The following ZNF382 variants were observed in gnomAD, a reference collection of about 807,000 sequenced individuals.
The protein encoded by ZNF382 is KRAB/zinc finger suppressor protein 1.
Under a neutral mutation model 38.8 loss-of-function variants are expected in ZNF382, and 20 were observed. The ratio of observed to expected loss-of-function variants is 0.51; its 90% confidence interval spans 0.36 to 0.75. The LOEUF is 0.75. Ranked by LOEUF, ZNF382 falls within the 30% of genes least tolerant of loss-of-function variation. ZNF382 has a pLI of 0.00. For missense variants in ZNF382, 546 were observed against 654.1 expected (o/e 0.83, Z 1.80); for synonymous variants, 202 against 223.1 (o/e 0.91, Z 0.84).
intron 4 of ZNF382, among the ~76,000 whole-genome samples, chr19:36,622,588 T>A (rs557119057): frequency 1.3e-5 from 2 of 152,182 alleles, no homozygotes; most frequent in Non-Finnish European, 1.5e-5. Flanking sequence ...AAAGTTTTTA[T>A]TGGGGCTCCA....
Position 36,632,445 on chromosome 19 carries a change from G to A in ZNF382, c.*4895G>A, listed in dbSNP as rs141061193. The A allele has an allele frequency of 0.016, 2,387 of 152,364 alleles. 27 individuals are homozygous for A. The highest frequency in any genetic ancestry group is 0.025 in the Non-Finnish European group (1,685 of 68,140). The allele number at this position is 152,364 out of a possible 1,614,324, so 9.4% of individuals were successfully genotyped here. On this transcript the variant is annotated 3_prime_UTR_variant, in exon 5 of 5. Transcript: ENST00000292928. Reference sequence around the variant, plus strand: ...CCTCAGGCAATCCTCCGCCCACCTCGGTTTCCCAAAGTGCTGGGATTATAG... The same window carrying A: ...CCTCAGGCAATCCTCCGCCCACCTCAGTTTCCCAAAGTGCTGGGATTATAG...
chr19:36,624,606 T>C (rs562755175), intron 4 of ZNF382, among the ~76,000 whole-genome samples: 1 of 152,318 alleles, frequency 6.6e-6, no homozygotes, highest in African/African-American at 2.4e-5. Flanking sequence ...CAGTAGGGAA[T>C]AGCAGAGTTA....
intron 1 of ZNF382, among the ~76,000 whole-genome samples, chr19:36,606,413 T>A (rs1323578176): frequency 6.6e-6 from 1 of 151,470 alleles, no homozygotes. Flanking sequence ...TGGAGTGTAG[T>A]GGCATGATCT....
chr19:36,608,727 G>A (rs1343190575), intron 2 of ZNF382: 2 of 152,178 alleles, frequency 1.3e-5, no homozygotes, highest in Non-Finnish European at 2.9e-5. Flanking sequence ...ATCACCACCT[G>A]TATGTTCCAC....
chr19:36,626,413 C>T lies in ZNF382; in HGVS notation c.516C>T (p.Leu172=), dbSNP rs1247197438. The part of the protein sequence containing the change: ...GDSTGWEKSL[L]NTKHEKIHPA... ...GTACTGGATGGGAGAAATCACTCCT[C>T]AATACCAAGCATGAGAAAATTCATC... is the stretch of plus-strand genomic sequence containing the variant. The change falls in exon 5 of 5, where the codon CTC becomes CTT. Residue 172 remains leucine (L), a synonymous_variant. Transcript: ENST00000292928. The T allele has an allele frequency of 5.6e-6, 9 of 1,604,128 alleles. 1 individual carries two copies. The highest frequency in any genetic ancestry group is 1.7e-4 in the Middle Eastern group (1 of 5,990).
rs745388941 is a variant in ZNF382 at position 36,626,525 on chromosome 19, C to G, written c.628C>G (p.Gln210Glu). The G allele has an allele frequency of 1.9e-6, 3 of 1,611,374 alleles. No homozygotes were observed. The East Asian group carries it at 6.7e-5, about 36-fold the overall frequency. Residue 210 changes from glutamine (Q) to glutamate (E), a missense_variant, in exon 5 of 5, where the codon CAA becomes GAA. Transcript: ENST00000292928. ...GCATCAGAAGGTTCAAGCTCCAGAG[C>G]AACCATTTGACCATAATGAATGTGA... ...IQHQKVQAPE[Q>E]PFDHNECEKS...
chr19:36,621,238 C>T (rs1342535839), intron 4 of ZNF382, among the ~76,000 whole-genome samples: 1 of 151,310 alleles, frequency 6.6e-6, no homozygotes, highest in Non-Finnish European at 1.5e-5. Context: ...TCTGATTTGC[C>T]ATTGACAGCT....
At chr19:36,605,693 T>C (rs2037015809) in intron 1 of ZNF382, 1 of 152,202 alleles carries the variant, frequency 6.6e-6, no homozygotes, top group Non-Finnish European at 1.5e-5. Context: ...GCGCGCTGAA[T>C]AGGGGTGGCC....
At chr19:36,607,149 A>G (rs997688068) in intron 1 of ZNF382, among the ~76,000 whole-genome samples, 3 of 152,144 alleles carry the variant, frequency 2.0e-5, no homozygotes, top group Non-Finnish European at 4.4e-5. Context: ...AAAGTTGTCA[A>G]CTGTCTTCAT....
intron 2 of ZNF382, chr19:36,608,789 A>T (rs1203187703): frequency 1.3e-5 from 2 of 152,294 alleles, no homozygotes; most frequent in African/African-American, 4.8e-5. Context: ...GGTCCAGCTT[A>T]CATTTTCTTC....
intron 4 of ZNF382, among the ~76,000 whole-genome samples, chr19:36,614,914 C>CCTTTCCGTTTCCCT (rs1555793084): frequency 7.6e-4 from 69 of 90,814 alleles, no homozygotes; most frequent in Non-Finnish European, 1.0e-3. Flanking sequence ...CTTTCCTTTC[C>CCTTTCCGTTTCCCT]TTCCCTTTCC....
intron 4 of ZNF382, among the ~76,000 whole-genome samples, chr19:36,615,955 A>G (rs1399960394): frequency 1.3e-5 from 2 of 152,292 alleles, no homozygotes; most frequent in South Asian, 2.1e-4. Flanking sequence ...TCAAAATTTT[A>G]CCCCAAGTCA....
Position 36,630,903 on chromosome 19 carries a change from G to C in ZNF382, c.*3353G>C, listed in dbSNP as rs919303965. The stretch of plus-strand genomic sequence containing the variant: ...GGACTCAAGCAATTCTCCTGCCTCA[G>C]CCTCCCAAGTAGCTAGGACTACAGG... On this transcript the variant is annotated 3_prime_UTR_variant, in exon 5 of 5. Transcript: ENST00000292928. 1 of 151,964 alleles carries C rather than the reference G, an allele frequency of 6.6e-6. No homozygotes were observed. The highest frequency in any genetic ancestry group is 2.4e-5 in the African/African-American group (1 of 41,376). 9.4% of individuals were successfully genotyped at this position (151,964 alleles called of 1,614,324 possible).
rs755334869 is a variant in ZNF382 at position 36,610,015 on chromosome 19, A to T, written c.101A>T (p.Asp34Val). The T allele has an allele frequency of 2.5e-6, 4 of 1,613,818 alleles. No individual in the cohort carries two copies. Among genetic ancestry groups the T allele is most frequent in the Non-Finnish European group, 3.4e-6 (4 of 1,179,926 alleles). ...CCTGCTCAGAAGGCGCTTTACAGGG[A>T]TGTGATGTTGGAAAACTATTGCCAC... Reference protein sequence around the residue: ...LDPAQKALYRDVMLENYCHFV... With the variant: ...LDPAQKALYRVVMLENYCHFV... Residue 34 changes from aspartate (D) to valine (V), a missense_variant, in exon 3 of 5, where the codon GAT becomes GTT. Physicochemically the swap from Asp to Val is radical, Grantham distance 152. Transcript: ENST00000292928.
At chr19:36,612,165 T>C (rs2037082727) in intron 4 of ZNF382, among the ~76,000 whole-genome samples, 1 of 152,350 alleles carries the variant, frequency 6.6e-6, no homozygotes, top group Non-Finnish European at 1.5e-5. Flanking sequence ...TCCCTCCCAT[T>C]AAGATAATCA....
intron 4 of ZNF382, among the ~76,000 whole-genome samples, chr19:36,624,599 T>C (rs774246469): frequency 3.7e-4 from 56 of 152,162 alleles, no homozygotes; most frequent in Non-Finnish European, 6.6e-4. Flanking sequence ...ACAGCTCCAG[T>C]AGGGAATAGC....
At chr19:36,622,229 C>G (rs940977852) in intron 4 of ZNF382, among the ~76,000 whole-genome samples, 1 of 152,080 alleles carries the variant, frequency 6.6e-6, no homozygotes, top group African/African-American at 2.4e-5. Flanking sequence ...CTATGTTGGC[C>G]AGGCTGGTCT....
At position 36,626,518 on chromosome 19, in the gene ZNF382, T is replaced by C; in HGVS notation, c.621T>C (p.Ala207=). ...QELIQHQKVQ[A]PEQPFDHNEC... is the part of the protein sequence containing the mutation. ...TTATTCAGCATCAGAAGGTTCAAGC[T>C]CCAGAGCAACCATTTGACCATAATG... The change falls in exon 5 of 5, where the codon GCT becomes GCC. Residue 207 remains alanine, a synonymous_variant. Transcript: ENST00000292928. 1 of 1,610,736 alleles carries C rather than the reference T, an allele frequency of 6.2e-7. No individual in the cohort carries two copies. Among genetic ancestry groups the C allele is most frequent in the Non-Finnish European group, 8.5e-7 (1 of 1,178,892 alleles).
At position 36,633,249 on chromosome 19, in the gene ZNF382, A is replaced by T. The variant is rs1348360329; in HGVS notation, c.*5699A>T. The T allele has an allele frequency of 2.0e-5, 3 of 152,126 alleles. No homozygotes were observed. Among genetic ancestry groups the T allele is most frequent in the Non-Finnish European group, 2.9e-5 (2 of 68,068 alleles). The allele number at this position is 152,126 out of a possible 1,614,324, so 9.4% of individuals were successfully genotyped here. A position where few individuals can be genotyped will look rare whatever the true frequency, so the allele number is the denominator to read the frequency against. Reference sequence around the variant, plus strand: ...GAGACGGGGTTTTACTGTGTTAGCCAGGGTGGTGTCGATCTCCTGACCTCA... The same window carrying T: ...GAGACGGGGTTTTACTGTGTTAGCCTGGGTGGTGTCGATCTCCTGACCTCA... On this transcript the variant is annotated 3_prime_UTR_variant, in exon 5 of 5. Coordinates refer to ENST00000292928, the MANE Select transcript of ZNF382 (RefSeq NM_032825.5).
Sources: allele counts gnomAD v4.1 joint callset (sites outside exome capture counted in the v4.1 genomes callset), GRCh38; gene constraint gnomAD v4.1.1; transcripts MANE v1.5; gene names NCBI Gene and HGNC (gene_info 2026-07-23, HGNC 2026-07-21).